Variants in SPATA6 observed in about 807,000 individuals in gnomAD.
The protein encoded by SPATA6 is spermatogenesis-associated protein 6.
A neutral mutation model predicts 65.3 loss-of-function variants in SPATA6; 56 were observed. That is an observed-to-expected ratio of 0.86 (90% CI 0.69 to 1.07). SPATA6 has a LOEUF of 1.07. Among genes scored for constraint, SPATA6 ranks in the 50% least tolerant of loss-of-function variants. The probability of loss-of-function intolerance (pLI) is 0.00; values close to 1 mark genes in which losing one functional copy is unlikely to be tolerated. For missense variants in SPATA6, 590 were observed against 594.8 expected (o/e 0.99, Z 0.08); for synonymous variants, 199 against 213.2 (o/e 0.93, Z 0.58).
chr1:48,273,628 G>A, the SPATA6 span, among the ~76,000 whole-genome samples: 6 of 152,256 alleles, frequency 3.9e-5, no homozygotes, highest in South Asian at 6.2e-4. Flanking sequence ...TGCTGAGAAC[G>A]ATGGTTTCCA....
chr1:48,417,917 A>T (rs990258557), intron 3 of SPATA6, among the ~76,000 whole-genome samples: 3 of 152,182 alleles, frequency 2.0e-5, no homozygotes, highest in Admixed American at 1.3e-4. Context: ...AACAACATCA[A>T]CATCCATGTG....
intron 9 of SPATA6, among the ~76,000 whole-genome samples, chr1:48,379,373 G>C (rs907888044): frequency 6.6e-6 from 1 of 152,118 alleles, no homozygotes. Flanking sequence ...ATGAGATTTG[G>C]GTGGGGACAC....
chr1:48,280,238 G>C, the SPATA6 span, among the ~76,000 whole-genome samples: 10 of 151,772 alleles, frequency 6.6e-5, no homozygotes, highest in East Asian at 3.9e-4. Context: ...CAGGAAAGAT[G>C]CAAAATTGAC....
chr1:48,352,254 G>A (rs1174135634), intron 11 of SPATA6, among the ~76,000 whole-genome samples: 1 of 151,988 alleles, frequency 6.6e-6, no homozygotes, highest in African/African-American at 2.4e-5. Context: ...GGAAAGACTT[G>A]CCCCCATGAT....
intron 11 of SPATA6, among the ~76,000 whole-genome samples, chr1:48,329,700 T>C (rs942504847): frequency 2.0e-5 from 3 of 152,072 alleles, no homozygotes; most frequent in Non-Finnish European, 4.4e-5. Flanking sequence ...AGAAACCACG[T>C]TGGAATCCAT....
intron 9 of SPATA6, among the ~76,000 whole-genome samples, chr1:48,381,616 A>G (rs1648593859): frequency 6.6e-6 from 1 of 150,828 alleles, no homozygotes; most frequent in Non-Finnish European, 1.5e-5. Flanking sequence ...AAGTACATAA[A>G]CAATGATATT....
intron 3 of SPATA6, among the ~76,000 whole-genome samples, chr1:48,446,630 T>A (rs1211293593): frequency 6.6e-6 from 1 of 152,182 alleles, no homozygotes; most frequent in Non-Finnish European, 1.5e-5. Flanking sequence ...GAAAGAAGAT[T>A]GAATTTGGTT....
At chr1:48,467,515 A>C (rs755272443) in intron 1 of SPATA6, among the ~76,000 whole-genome samples, 1 of 152,142 alleles carries the variant, frequency 6.6e-6, no homozygotes, top group Non-Finnish European at 1.5e-5. Flanking sequence ...ACAAGAATGA[A>C]TATTCATAAT....
Position 48,453,041 on chromosome 1 carries a change from G to A in SPATA6, c.142C>T (p.Pro48Ser). 6.2e-7 allele frequency: 1 copy of A among 1,613,852 alleles called. No individual in the cohort carries two copies. Among genetic ancestry groups the A allele is most frequent in the Non-Finnish European group, 8.5e-7 (1 of 1,179,934 alleles). Residue 48 changes from proline (P) to serine (S), a missense_variant, in exon 2 of 13, where the codon CCA becomes TCA. Coordinates refer to ENST00000371847, the MANE Select transcript of SPATA6 (RefSeq NM_019073.4). ...TTGAAGACCAGGGGAAAAGTGGCTG[G>A]GACACATTGTGTCTTTTTGTATTGG... ...FGQYKKTQCVPATFPLVFNAR... is the reference protein window; with the variant it reads ...FGQYKKTQCVSATFPLVFNAR...
At chr1:48,462,508 G>A (rs1207944602) in intron 1 of SPATA6, among the ~76,000 whole-genome samples, 1 of 152,124 alleles carries the variant, frequency 6.6e-6, no homozygotes, top group Non-Finnish European at 1.5e-5. Flanking sequence ...AGGATAAAGT[G>A]AAAATACATA....
At chr1:48,415,972 G>A (rs1003924852) in intron 3 of SPATA6, among the ~76,000 whole-genome samples, 1 of 152,116 alleles carries the variant, frequency 6.6e-6, no homozygotes, top group Admixed American at 6.5e-5. Context: ...CAAGGCTGAG[G>A]AGCGTGGATT....
chr1:48,312,554 C>G (rs746395046), intron 11 of SPATA6, among the ~76,000 whole-genome samples: 19 of 152,096 alleles, frequency 1.2e-4, no homozygotes, highest in Non-Finnish European at 2.1e-4. Flanking sequence ...TGTACGTCAC[C>G]ATCATCAAAG....
chr1:48,285,879 A>T, the SPATA6 span, among the ~76,000 whole-genome samples: 1 of 152,090 alleles, frequency 6.6e-6, no homozygotes, highest in African/African-American at 2.4e-5. Context: ...AACTGTTCCT[A>T]TTCAGCCATC....
At chr1:48,440,896 C>T (rs1208867591) in intron 3 of SPATA6, among the ~76,000 whole-genome samples, 1 of 151,986 alleles carries the variant, frequency 6.6e-6, no homozygotes, top group Non-Finnish European at 1.5e-5. Context: ...GAGAACAGGC[C>T]AAAAAGGAAA....
the SPATA6 span, among the ~76,000 whole-genome samples, chr1:48,286,839 C>A: frequency 1.3e-5 from 2 of 151,974 alleles, no homozygotes; most frequent in African/African-American, 4.8e-5. Context: ...GAGTTCCAGA[C>A]CAGCCTGGCC....
At chr1:48,274,947 T>C in the SPATA6 span, among the ~76,000 whole-genome samples, 1 of 152,132 alleles carries the variant, frequency 6.6e-6, no homozygotes, top group African/African-American at 2.4e-5. Context: ...TCATTTTTAC[T>C]ATATTGATTC....
intron 3 of SPATA6, among the ~76,000 whole-genome samples, chr1:48,418,720 AAAAGCAAG>A (rs2148010045): frequency 6.6e-6 from 1 of 150,818 alleles, no homozygotes; most frequent in Non-Finnish European, 1.5e-5. Context: ...AGACCCAGAA[AAAAGCAAG>A]AAAGCAAGAG....
chr1:48,298,964 ATATT>A, intron 12 of SPATA6, 71 bp from the exon 13 acceptor site: 1 of 1,443,874 alleles, frequency 6.9e-7, no homozygotes, highest in Non-Finnish European at 9.4e-7. Context: ...TGTAAATCAA[ATATT>A]TATTGAGTAC....
chr1:48,294,864 T>C (rs148857211), downstream of SPATA6, among the ~76,000 whole-genome samples: 1,064 of 152,300 alleles, frequency 7.0e-3, 14 homozygotes, highest in African/African-American at 0.025. Context: ...TGGAGGAGTT[T>C]CCTGATCAAT....
Sources: allele counts gnomAD v4.1 joint callset (sites outside exome capture counted in the v4.1 genomes callset), GRCh38; gene constraint gnomAD v4.1.1; transcripts MANE v1.5; gene names NCBI Gene and HGNC (gene_info 2026-07-23, HGNC 2026-07-21).